The following STX2 variants were observed in gnomAD, a reference collection of about 807,000 sequenced individuals.
STX2 encodes syntaxin-2.
A neutral mutation model predicts 40.6 loss-of-function variants in STX2; 27 were observed. The ratio of observed to expected loss-of-function variants is 0.66; its 90% CI spans 0.49 to 0.92. The LOEUF (loss-of-function observed/expected upper bound fraction) is 0.92, where lower values mean the gene tolerates loss of function less well. STX2 is among the 40% of genes least tolerant of loss of function. The pLI is 0.00. For synonymous variants in STX2, 123 were observed against 119.1 expected (o/e 1.03, Z -0.22); for missense variants, 328 against 366.1 (o/e 0.90, Z 0.85).
At chr12:130,822,784 G>A (rs1221341002) in intron 2 of STX2, among the ~76,000 whole-genome samples, 1 of 152,136 alleles carries the variant, frequency 6.6e-6, no homozygotes, top group Non-Finnish European at 1.5e-5. Flanking sequence ...AGGCTGCAAT[G>A]TGTGTGTGTG....
At chr12:130,798,731 G>A (rs752994337) in intron 8 of STX2, 96 bp from the exon 9 acceptor site, 45 of 861,062 alleles carry the variant, frequency 5.2e-5, no homozygotes, top group Admixed American at 6.2e-5. Flanking sequence ...ATATAAACAC[G>A]ATGTGCATGT....
intron 1 of STX2, among the ~76,000 whole-genome samples, chr12:130,833,410 CTTT>C (rs5801939): frequency 5.0e-5 from 6 of 120,624 alleles, no homozygotes; most frequent in Admixed American, 8.9e-5. Flanking sequence ...ATCACTCTAC[CTTT>C]TTTTTTTTTT....
intron 1 of STX2, among the ~76,000 whole-genome samples, chr12:130,829,852 G>A (rs1202871077): frequency 6.6e-6 from 1 of 152,142 alleles, no homozygotes; most frequent in Non-Finnish European, 1.5e-5. Flanking sequence ...AGGAGGGGTG[G>A]AGAGCTGAAA....
rs1044017678 is a variant in STX2 at position 130,791,722 on chromosome 12, C to T, written c.*301G>A. ...TCACGCATCACACCCACTGTGCTTA[C>T]GGCGCTGTCACTGAACAAGACGTTC... is the stretch of plus-strand genomic sequence containing the variant. On this transcript the variant is annotated 3_prime_UTR_variant, in exon 11 of 11. Coordinates refer to ENST00000392373, the MANE Select transcript of STX2 (RefSeq NM_194356.4). 4.5e-5 allele frequency: 26 copies of T among 579,794 alleles called. No individual in the cohort carries two copies. In the East Asian group the frequency reaches 5.1e-4, roughly 11 times the overall value. 35.9% of individuals were successfully genotyped at this position (579,794 alleles called of 1,614,324 possible). A position where few individuals can be genotyped will look rare whatever the true frequency, so the allele number is the denominator to read the frequency against.
intron 3 of STX2, among the ~76,000 whole-genome samples, chr12:130,817,752 AAT>A (rs1593162452): frequency 6.6e-6 from 1 of 152,250 alleles, no homozygotes; most frequent in South Asian, 2.1e-4. Context: ...ACACTGGAAA[AAT>A]ATGTTTTAAA....
At chr12:130,800,299 A>ATTT (rs749716699) in intron 8 of STX2, among the ~76,000 whole-genome samples, 7 of 143,640 alleles carry the variant, frequency 4.9e-5, no homozygotes, top group African/African-American at 1.8e-4. Context: ...ATATGTGTGT[A>ATTT]TTTTTTTTTT....
chr12:130,825,988 A>C (rs564233748), intron 2 of STX2, among the ~76,000 whole-genome samples: 1 of 152,340 alleles, frequency 6.6e-6, no homozygotes, highest in East Asian at 1.9e-4. Flanking sequence ...AGCAGGGCCT[A>C]AGCCCAAGAG....
intron 2 of STX2, among the ~76,000 whole-genome samples, chr12:130,822,144 C>T (rs1430148440): frequency 3.3e-5 from 5 of 152,178 alleles, no homozygotes; most frequent in Non-Finnish European, 5.9e-5. Context: ...CATGCAGGCA[C>T]AGTGGCTCAC....
chr12:130,836,814 G>C (rs978652591), intron 1 of STX2, among the ~76,000 whole-genome samples: 1 of 152,198 alleles, frequency 6.6e-6, no homozygotes, highest in Non-Finnish European at 1.5e-5. Flanking sequence ...AACTCCATGA[G>C]TGGAAACTTC....
chr12:130,822,245 C>T (rs890356516), intron 2 of STX2, among the ~76,000 whole-genome samples: 1 of 152,178 alleles, frequency 6.6e-6, no homozygotes, highest in East Asian at 1.9e-4. Flanking sequence ...AGAGAAACCT[C>T]TTCTCTACTA....
chr12:130,810,154 A>G (rs1021683937), intron 4 of STX2, among the ~76,000 whole-genome samples: 3 of 152,262 alleles, frequency 2.0e-5, no homozygotes, highest in East Asian at 1.9e-4. Flanking sequence ...AGATGCTGGC[A>G]TAATTATTTT....
intron 5 of STX2, among the ~76,000 whole-genome samples, chr12:130,807,977 T>G (rs1213507325): frequency 6.6e-6 from 1 of 152,180 alleles, no homozygotes; most frequent in East Asian, 1.9e-4. Context: ...TCCCAGAATC[T>G]TTCAGAATCC....
chr12:130,838,885 G>A (rs1011423260), intron 1 of STX2, among the ~76,000 whole-genome samples, 185 bp downstream of exon 1: 5 of 150,120 alleles, frequency 3.3e-5, no homozygotes, highest in African/African-American at 7.4e-5. Flanking sequence ...CCCGCCCTGG[G>A]GACCCCACCA....
intron 3 of STX2, among the ~76,000 whole-genome samples, chr12:130,815,751 T>C (rs900070244): frequency 1.3e-5 from 2 of 152,174 alleles, no homozygotes; most frequent in African/African-American, 4.8e-5. Context: ...CAGCACTTGT[T>C]TGTAGGGGGG....
intron 2 of STX2, among the ~76,000 whole-genome samples, chr12:130,826,713 G>T (rs1430428172): frequency 6.6e-6 from 1 of 151,978 alleles, no homozygotes; most frequent in African/African-American, 2.4e-5. Context: ...CTTTAAAGAA[G>T]AAAGCCACCA....
At chr12:130,792,916 C>T (rs893268507) in intron 10 of STX2, among the ~76,000 whole-genome samples, 6 of 152,180 alleles carry the variant, frequency 3.9e-5, no homozygotes, top group African/African-American at 9.7e-5. Flanking sequence ...CAAGGCAAAG[C>T]GAGACCACCT....
chr12:130,794,745 T>G (rs1950978450), intron 10 of STX2, among the ~76,000 whole-genome samples: 1 of 152,150 alleles, frequency 6.6e-6, no homozygotes, highest in Non-Finnish European at 1.5e-5. Context: ...AAAGCAATAG[T>G]GAGACTTAAC....
intron 10 of STX2, 54 bp from the exon 11 acceptor site, chr12:130,792,031 G>A: frequency 7.9e-7 from 1 of 1,262,210 alleles, no homozygotes. Flanking sequence ...ATCAACAATG[G>A]CATTTGCTAA....
intron 3 of STX2, among the ~76,000 whole-genome samples, chr12:130,819,448 C>T (rs1416397754): frequency 1.3e-5 from 2 of 152,118 alleles, no homozygotes; most frequent in East Asian, 3.9e-4. Flanking sequence ...ACCAAGGAAG[C>T]GGCTGGAGGC....
Sources: allele counts gnomAD v4.1 joint callset (sites outside exome capture counted in the v4.1 genomes callset), GRCh38; gene constraint gnomAD v4.1.1; transcripts MANE v1.5; gene names NCBI Gene and HGNC (gene_info 2026-07-23, HGNC 2026-07-21).